TCF4: variants seen among roughly 807,000 people sequenced by gnomAD.
The protein encoded by TCF4 is SL3-3 enhancer factor 2.
A neutral mutation model predicts 82.1 loss-of-function variants in TCF4; 3 were observed. The observed-to-expected ratio is 0.04, with a 90% confidence interval of 0.02 to 0.09. The LOEUF (loss-of-function observed/expected upper bound fraction) is 0.09, where lower values mean the gene tolerates loss of function less well. Ranked by LOEUF, TCF4 falls within the 10% of genes least tolerant of loss-of-function variation. The pLI, the probability that TCF4 is intolerant of heterozygous loss-of-function variation, is 1.00. For missense variants in TCF4, 518 were observed against 852.7 expected (o/e 0.61, Z 4.89); for synonymous variants, 276 against 309.6 (o/e 0.89, Z 1.14).
intron 3 of TCF4, among the ~76,000 whole-genome samples, chr18:55,522,305 C>T (rs1012347298): frequency 5.3e-5 from 8 of 151,878 alleles, no homozygotes; most frequent in Non-Finnish European, 7.4e-5. Flanking sequence ...AGATTTGCAG[C>T]GTCCTAAAGT....
chr18:55,505,326 ATATAT>A, intron 3 of TCF4, among the ~76,000 whole-genome samples: 1 of 152,326 alleles, frequency 6.6e-6, no homozygotes, highest in East Asian at 1.9e-4. Flanking sequence ...CTAAAAAGCA[ATATAT>A]TATTATATTA....
chr18:55,402,143 C>T (rs985660554), intron 6 of TCF4: 19 of 985,420 alleles, frequency 1.9e-5, no homozygotes, highest in Middle Eastern at 5.2e-4. Context: ...AACTGCACTC[C>T]GGCAGGAGCT....
intron 3 of TCF4, among the ~76,000 whole-genome samples, chr18:55,544,588 G>A (rs1159745521): frequency 6.6e-6 from 1 of 151,976 alleles, no homozygotes; most frequent in Non-Finnish European, 1.5e-5. Flanking sequence ...GTTTGTCTTC[G>A]TGGCCTCATT....
At chr18:55,564,408 G>A (rs1203526998) in intron 3 of TCF4, among the ~76,000 whole-genome samples, 3 of 152,202 alleles carry the variant, frequency 2.0e-5, no homozygotes, top group Non-Finnish European at 4.4e-5. Context: ...GGATTCAACA[G>A]GGAAGAAGTC....
intron 5 of TCF4, among the ~76,000 whole-genome samples, chr18:55,437,675 C>T (rs1353581695): frequency 9.9e-5 from 15 of 152,134 alleles, no homozygotes; most frequent in Admixed American, 7.9e-4. Flanking sequence ...GCCTAGATCC[C>T]AGCCCAGGCC....
At chr18:55,486,565 G>A (rs1352276174) in intron 3 of TCF4, among the ~76,000 whole-genome samples, 4 of 152,138 alleles carry the variant, frequency 2.6e-5, no homozygotes, top group Admixed American at 1.3e-4. Flanking sequence ...GCACTCCAGC[G>A]TGGGTGACAG....
At chr18:55,305,105 T>G (rs1406238793) in intron 8 of TCF4, among the ~76,000 whole-genome samples, 1 of 152,168 alleles carries the variant, frequency 6.6e-6, no homozygotes. Context: ...CTCTTATTCA[T>G]GTGGGACATC....
intron 6 of TCF4, among the ~76,000 whole-genome samples, chr18:55,370,128 T>C (rs991360359): frequency 7.9e-5 from 12 of 152,206 alleles, no homozygotes; most frequent in African/African-American, 2.7e-4. Context: ...CCGGGCGCAA[T>C]GGCTCATGCC....
At chr18:55,372,969 C>T (rs780673626) in intron 6 of TCF4, among the ~76,000 whole-genome samples, 23 of 151,138 alleles carry the variant, frequency 1.5e-4, no homozygotes, top group Admixed American at 3.3e-4. Context: ...ATAATTCCTG[C>T]ACCATTAGAA....
At chr18:55,566,695 G>A (rs2097410615) in intron 3 of TCF4, among the ~76,000 whole-genome samples, 1 of 152,126 alleles carries the variant, frequency 6.6e-6, no homozygotes, top group Non-Finnish European at 1.5e-5. Context: ...GAATGCAGCA[G>A]ATACAAGGGG....
At chr18:55,614,236 G>A (rs945888683) in intron 2 of TCF4, among the ~76,000 whole-genome samples, 4 of 152,146 alleles carry the variant, frequency 2.6e-5, no homozygotes, top group Admixed American at 6.5e-5. Context: ...ATTTGTACAC[G>A]AGTCTTTGTA....
intron 5 of TCF4, among the ~76,000 whole-genome samples, chr18:55,455,529 GAAAA>G (rs201720174): frequency 8.6e-6 from 1 of 116,878 alleles, no homozygotes; most frequent in Non-Finnish European, 1.8e-5. Context: ...GGTGTTATTG[GAAAA>G]AAAAAAAAAA....
chr18:55,547,345 T>C (rs1042240666), intron 3 of TCF4, among the ~76,000 whole-genome samples: 9 of 152,204 alleles, frequency 5.9e-5, no homozygotes. Flanking sequence ...GGGAAGACAA[T>C]TTCTGTCAAA....
chr18:55,418,915 C>A (rs970362546), intron 5 of TCF4, among the ~76,000 whole-genome samples: 3 of 152,054 alleles, frequency 2.0e-5, no homozygotes, highest in Non-Finnish European at 4.4e-5. Flanking sequence ...CACTTGCCCA[C>A]ACACACACAT....
At chr18:55,451,980 T>C (rs2095632833) in intron 5 of TCF4, among the ~76,000 whole-genome samples, 1 of 152,148 alleles carries the variant, frequency 6.6e-6, no homozygotes, top group South Asian at 2.1e-4. Context: ...TACTCCAGCC[T>C]GGGTGACAGA....
chr18:55,345,636 ACTT>A lies in TCF4; in HGVS notation c.549+4720_549+4722del, dbSNP rs1321923624. Reference sequence around the variant, plus strand: ...AATATTTTAAACACTTAACAATTATACTTCTTCACAAAGTATCTATCCCTGCAG... The same window carrying A: ...AATATTTTAAACACTTAACAATTATACTTCACAAAGTATCTATCCCTGCAG... On this transcript the variant is annotated intron_variant, in intron 8 of 19. Transcript: ENST00000354452. 5.9e-5 allele frequency among the ~76,000 whole-genome samples: 9 copies of A among 152,298 alleles called. No individual in the cohort carries two copies. In the East Asian group the frequency reaches 1.7e-3, roughly 29 times the overall value.
chr18:55,527,666 C>T (rs999650929), intron 3 of TCF4, among the ~76,000 whole-genome samples: 1 of 152,170 alleles, frequency 6.6e-6, no homozygotes, highest in South Asian at 2.1e-4. Context: ...TCAATAAATA[C>T]AGGCTGAATG....
intron 3 of TCF4, among the ~76,000 whole-genome samples, chr18:55,476,043 C>T (rs775724997): frequency 5.9e-5 from 9 of 152,158 alleles, no homozygotes; most frequent in Non-Finnish European, 1.2e-4. Flanking sequence ...CCTCCTCCCA[C>T]CACATTCTGT....
At chr18:55,332,459 G>A (rs749533347) in intron 8 of TCF4, among the ~76,000 whole-genome samples, 54 of 152,094 alleles carry the variant, frequency 3.6e-4, no homozygotes, top group Non-Finnish European at 6.2e-4. Context: ...TGTTATCATG[G>A]ACCACATGAT....
Sources: gnomAD v4.1 joint callset for allele counts (sites outside exome capture counted in the v4.1 genomes callset) on GRCh38, gnomAD v4.1.1 for gene constraint, MANE v1.5 for transcripts, NCBI Gene and HGNC (gene_info 2026-07-23, HGNC 2026-07-21) for gene names.